The following RHEX variants were observed in gnomAD, a reference collection of about 807,000 sequenced individuals.
RHEX encodes regulator of hemoglobinization and erythroid cell expansion.
RHEX carries 18 observed loss-of-function variants against 20.1 expected under a neutral mutation model. The ratio of observed to expected loss-of-function variants is 0.90; its 90% CI spans 0.62 to 1.33. The LOEUF is 1.33. Among genes scored for constraint, RHEX ranks in the 40% most tolerant of loss-of-function variants. The pLI is 0.00. For missense variants in RHEX, 192 were observed against 214.3 expected (o/e 0.90, Z 0.65); for synonymous variants, 87 against 77.1 (o/e 1.13, Z -0.67).
chr1:206,065,148 G>T (rs975007283), intron 1 of RHEX, among the ~76,000 whole-genome samples: 2 of 152,150 alleles, frequency 1.3e-5, no homozygotes, highest in Admixed American at 1.3e-4. Flanking sequence ...GCGGAAGGCC[G>T]CAGGGTCTTC....
At chr1:206,089,329 C>A (rs1025644813) in intron 1 of RHEX, among the ~76,000 whole-genome samples, 2 of 152,090 alleles carry the variant, frequency 1.3e-5, no homozygotes, top group African/African-American at 2.4e-5. Flanking sequence ...AGGTATGAGC[C>A]ACCACGCCCA....
chr1:206,060,805 C>T (rs782326574), intron 1 of RHEX: 10 of 152,142 alleles, frequency 6.6e-5, no homozygotes, highest in Non-Finnish European at 1.5e-4. Context: ...GTCTCTTGTC[C>T]ATGACCCTGA....
chr1:206,099,590 A>T, intron 3 of RHEX, 65 bp from the exon 4 acceptor site: 1 of 1,528,628 alleles, frequency 6.5e-7, no homozygotes, highest in Non-Finnish European at 8.9e-7. Context: ...AATTGCTGGG[A>T]TTACAGGCAT....
chr1:206,083,403 TG>T, intron 1 of RHEX: 2 of 560,528 alleles, frequency 3.6e-6, no homozygotes, highest in Non-Finnish European at 4.5e-6. Flanking sequence ...ACCAGGGAGC[TG>T]GGCAGAGCAT....
intron 1 of RHEX, among the ~76,000 whole-genome samples, chr1:206,089,559 G>A (rs1001715693): frequency 1.3e-5 from 2 of 151,658 alleles, no homozygotes; most frequent in African/African-American, 2.4e-5. Flanking sequence ...TTATAATGAC[G>A]CTGTACAGAG....
At chr1:206,058,397 C>T (rs1340965350) in intron 1 of RHEX, among the ~76,000 whole-genome samples, 1 of 152,218 alleles carries the variant, frequency 6.6e-6, no homozygotes, top group Non-Finnish European at 1.5e-5. Context: ...AGAACTCCCA[C>T]TGATAAAAAG....
At chr1:206,063,250 T>TG (rs1449795195) in intron 1 of RHEX, among the ~76,000 whole-genome samples, 2 of 152,134 alleles carry the variant, frequency 1.3e-5, no homozygotes, top group Non-Finnish European at 2.9e-5. Context: ...GGAATGGAAC[T>TG]GGGGGGTTGC....
rs782121004 is a variant in RHEX, at chr1:206,101,161, C to T, written c.282C>T (p.Ser94=). 3 of 1,613,140 alleles carry T rather than the reference C, an allele frequency of 1.9e-6. No homozygotes were observed. The highest frequency in any genetic ancestry group is 2.2e-5 in the South Asian group (2 of 90,886). The change falls in exon 5 of 6, where the codon AGC becomes AGT. Residue 94 remains serine, a synonymous_variant. Coordinates refer to ENST00000331555, the MANE Select transcript of RHEX (RefSeq NM_001007544.4). ...ATGACAGCGACACACCCTCAGATAG[C>T]TTGGATAGCTCCTGCAGTTCGCCTC... ...YRHDSDTPSD[S]LDSSCSSPPA...
intron 1 of RHEX, chr1:206,080,283 C>G (rs1662709413): frequency 6.6e-6 from 1 of 152,212 alleles, no homozygotes; most frequent in Non-Finnish European, 1.5e-5. Context: ...CATATGAAAG[C>G]TGCATGTGCA....
intron 1 of RHEX, among the ~76,000 whole-genome samples, chr1:206,071,546 C>CAAAAAAAAAAAAAAAAAA (rs35408708): frequency 1.0e-5 from 1 of 95,896 alleles, no homozygotes; most frequent in Admixed American, 1.1e-4. Context: ...GTTGAAAATG[C>CAAAAAAAAAAAAAAAAAA]AAAAAAAAAA....
At chr1:206,063,371 T>C (rs1181648533) in intron 1 of RHEX, among the ~76,000 whole-genome samples, 2 of 148,668 alleles carry the variant, frequency 1.3e-5, no homozygotes, top group Admixed American at 1.3e-4. Context: ...TTTTTCTGCC[T>C]CTCCCTCTCC....
At chr1:206,057,960 A>G (rs1171950898) in intron 1 of RHEX, among the ~76,000 whole-genome samples, 1 of 152,278 alleles carries the variant, frequency 6.6e-6, no homozygotes, top group East Asian at 1.9e-4. Context: ...CTATGATGAG[A>G]AATGCTATCT....
chr1:206,066,733 G>A (rs1341232181), intron 1 of RHEX, among the ~76,000 whole-genome samples: 2 of 152,216 alleles, frequency 1.3e-5, no homozygotes, highest in African/African-American at 2.4e-5. Context: ...GAGACTGGCT[G>A]TACATACATA....
rs149750147 is a variant in RHEX at position 206,102,014 on chromosome 1, A to G, written c.*62A>G. 12,559 of 1,372,466 alleles carry G rather than the reference A, an allele frequency of 9.2e-3. 88 individuals are homozygous for G. The highest frequency in any genetic ancestry group is 0.011 in the Non-Finnish European group (10,356 of 966,438). The allele number at this position is 1,372,466 out of a possible 1,614,324, so 85.0% of individuals were successfully genotyped here. A position where few individuals can be genotyped will look rare whatever the true frequency, so the allele number is the denominator to read the frequency against. ...GATTCTTACATTTAATTTGTAGGGA[A>G]ATGCCATTTTTCCCCCTTAAACAAG... On this transcript the variant is annotated 3_prime_UTR_variant, in exon 6 of 6. Coordinates refer to ENST00000331555, the MANE Select transcript of RHEX (RefSeq NM_001007544.4).
chr1:206,061,193 C>T (rs1662302731), intron 1 of RHEX: 1 of 152,200 alleles, frequency 6.6e-6, no homozygotes, highest in Non-Finnish European at 1.5e-5. Context: ...TCCCCTGTGT[C>T]TTCCTGGGAA....
intron 1 of RHEX, among the ~76,000 whole-genome samples, chr1:206,089,205 T>C (rs1462238007): frequency 2.0e-5 from 3 of 151,224 alleles, no homozygotes; most frequent in Admixed American, 1.3e-4. Flanking sequence ...AAATAGAAAA[T>C]GGGTTAAAAC....
chr1:206,058,418 A>C (rs1285011409), intron 1 of RHEX, among the ~76,000 whole-genome samples: 1 of 152,254 alleles, frequency 6.6e-6, no homozygotes, highest in Non-Finnish European at 1.5e-5. Context: ...TGAGAGTCTC[A>C]AAGAGGGGAA....
At chr1:206,095,593 G>T (rs1379087635) in intron 1 of RHEX, among the ~76,000 whole-genome samples, 1 of 152,140 alleles carries the variant, frequency 6.6e-6, no homozygotes, top group Admixed American at 6.5e-5. Flanking sequence ...AAGGCAGGCG[G>T]ATCACCTGAG....
intron 1 of RHEX, among the ~76,000 whole-genome samples, chr1:206,080,539 G>T (rs764683014): frequency 3.0e-4 from 45 of 152,204 alleles, no homozygotes; most frequent in Admixed American, 9.8e-4. Flanking sequence ...GTGAAAGTGT[G>T]TTATCGACCT....
Sources: allele counts gnomAD v4.1 joint callset (sites outside exome capture counted in the v4.1 genomes callset), GRCh38; gene constraint gnomAD v4.1.1; transcripts MANE v1.5; gene names NCBI Gene and HGNC (gene_info 2026-07-23, HGNC 2026-07-21).